Variants in HTR2C observed in about 807,000 individuals in gnomAD.
HTR2C encodes the protein 5-hydroxytryptamine (serotonin) receptor 2C, G protein-coupled.
A neutral mutation model predicts 21.0 loss-of-function variants in HTR2C; 5 were observed. The observed-to-expected ratio is 0.24, with a 90% confidence interval of 0.12 to 0.50. The LOEUF (loss-of-function observed/expected upper bound fraction) is 0.50, where lower values mean the gene tolerates loss of function less well. HTR2C is among the 20% of genes least tolerant of loss of function. The pLI is 0.98. For missense variants in HTR2C, 271 were observed against 371.2 expected (o/e 0.73, Z 2.22); for synonymous variants, 150 against 145.3 (o/e 1.03, Z -0.23).
intron 4 of HTR2C, among the ~76,000 whole-genome samples, chrX:114,843,706 G>A (rs782229406): frequency 1.8e-5 from 2 of 111,643 alleles, no homozygotes; most frequent in South Asian, 7.4e-4. Flanking sequence ...GAAAGGCAAA[G>A]AGAGAATCTT....
intron 2 of HTR2C, among the ~76,000 whole-genome samples, chrX:114,638,125 TCCAAACAAA>T (rs1556405613): frequency 1.8e-5 from 2 of 111,678 alleles, no homozygotes; most frequent in African/African-American, 6.5e-5. Context: ...CGCTGATTTT[TCCAAACAAA>T]CCTACTTAAA....
chrX:114,732,015 G>A (rs987233890), intron 4 of HTR2C, among the ~76,000 whole-genome samples: 4 of 111,413 alleles, frequency 3.6e-5, no homozygotes, highest in Non-Finnish European at 5.6e-5. Flanking sequence ...TATATTTTAA[G>A]AAATCCTTTT....
At chrX:114,657,936 A>G (rs1344058449) in intron 2 of HTR2C, among the ~76,000 whole-genome samples, 1 of 111,137 alleles carries the variant, frequency 9.0e-6, no homozygotes, top group Non-Finnish European at 1.9e-5. Flanking sequence ...GCAGTCAGTC[A>G]TGTCATGAAG....
chrX:114,876,075 A>G (rs1418933310), intron 5 of HTR2C, among the ~76,000 whole-genome samples: 5 of 110,315 alleles, frequency 4.5e-5, no homozygotes, highest in Non-Finnish European at 9.5e-5. Flanking sequence ...TGTGACTCCA[A>G]TGTCTTTTGT....
At chrX:114,715,829 C>T (rs1350994763) in intron 2 of HTR2C, among the ~76,000 whole-genome samples, 2 of 112,236 alleles carry the variant, frequency 1.8e-5, no homozygotes, top group African/African-American at 6.5e-5. Context: ...AATTATCCTA[C>T]ATCTTTGTTT....
chrX:114,727,310 T>G (rs2069492353), intron 3 of HTR2C, among the ~76,000 whole-genome samples: 1 of 111,904 alleles, frequency 8.9e-6, no homozygotes, highest in Admixed American at 9.5e-5. Flanking sequence ...TTGCATGAAC[T>G]GAACAGTTAA....
Position 114,584,271 on chromosome X carries a change from G to A in HTR2C, c.-535G>A, listed in dbSNP as rs782527283. On this transcript the variant is annotated 5_prime_UTR_variant, in exon 1 of 6. Coordinates refer to ENST00000276198, the MANE Select transcript of HTR2C (RefSeq NM_000868.4). ...ACATCGTTGTCGTCGGAGTCGTCGCGATCGTCGTGGCGCTCGTGTGATGGC... is the reference window on the plus strand; with the variant it reads ...ACATCGTTGTCGTCGGAGTCGTCGCAATCGTCGTGGCGCTCGTGTGATGGC... 3.5e-5 allele frequency: 4 copies of A among 112,993 alleles called. No individual in the cohort carries two copies. Among genetic ancestry groups the A allele is most frequent in the Non-Finnish European group, 5.6e-5 (3 of 53,365 alleles). 9.3% of individuals were successfully genotyped at this position (112,993 alleles called of 1,213,427 possible). A position where few individuals can be genotyped will look rare whatever the true frequency, so the allele number is the denominator to read the frequency against.
intron 2 of HTR2C, among the ~76,000 whole-genome samples, chrX:114,620,916 G>A (rs1325116052): frequency 9.0e-6 from 1 of 110,985 alleles, no homozygotes; most frequent in Non-Finnish European, 1.9e-5. Flanking sequence ...GTCTTGCTCT[G>A]TAGCCCAGGT....
chrX:114,648,562 C>A (rs1930443726), intron 2 of HTR2C, among the ~76,000 whole-genome samples: 1 of 110,897 alleles, frequency 9.0e-6, no homozygotes. Context: ...ACCCCATCTC[C>A]ACAAACAATA....
intron 4 of HTR2C, among the ~76,000 whole-genome samples, chrX:114,811,602 T>C (rs1175196286): frequency 8.9e-6 from 1 of 112,522 alleles, no homozygotes; most frequent in Non-Finnish European, 1.9e-5. Context: ...TCCCATTGCA[T>C]GCACTCGTTA....
chrX:114,754,252 T>C (rs782208767), intron 4 of HTR2C, among the ~76,000 whole-genome samples: 2 of 111,591 alleles, frequency 1.8e-5, no homozygotes, highest in African/African-American at 6.5e-5. Context: ...TTAATGCAAT[T>C]CCTACCAAAA....
intron 4 of HTR2C, among the ~76,000 whole-genome samples, chrX:114,816,440 GAAA>G (rs1242464118): frequency 9.5e-6 from 1 of 104,719 alleles, no homozygotes; most frequent in South Asian, 4.0e-4. Flanking sequence ...AAGTTTCCCA[GAAA>G]AAAAAAATAG....
chrX:114,751,524 A>C (rs1413362372), intron 4 of HTR2C, among the ~76,000 whole-genome samples: 1 of 111,660 alleles, frequency 9.0e-6, no homozygotes, highest in East Asian at 2.8e-4. Flanking sequence ...GAAAATTAAA[A>C]CTCAAATTGT....
chrX:114,627,288 C>CTT (rs1325659731), intron 2 of HTR2C, among the ~76,000 whole-genome samples: 2 of 110,691 alleles, frequency 1.8e-5, no homozygotes, highest in Non-Finnish European at 3.8e-5. Flanking sequence ...TGAATTTCAT[C>CTT]TTTTTCCCCT....
chrX:114,806,286 C>T (rs1279696796), intron 4 of HTR2C, among the ~76,000 whole-genome samples: 1 of 94,728 alleles, frequency 1.1e-5, no homozygotes, highest in Non-Finnish European at 2.1e-5. Flanking sequence ...ATATACACAC[C>T]ATATAGATAC....
chrX:114,627,498 C>T (rs1402187118), intron 2 of HTR2C, among the ~76,000 whole-genome samples: 2 of 110,561 alleles, frequency 1.8e-5, no homozygotes, highest in Admixed American at 9.7e-5. Flanking sequence ...CTTATTGGTG[C>T]GATAAGATTA....
intron 2 of HTR2C, among the ~76,000 whole-genome samples, chrX:114,695,258 A>G (rs1556415734): frequency 8.9e-6 from 1 of 112,450 alleles, no homozygotes; most frequent in Non-Finnish European, 1.9e-5. Flanking sequence ...CAATGATTGT[A>G]TGATATGGGA....
At chrX:114,653,968 C>G (rs1440892080) in intron 2 of HTR2C, among the ~76,000 whole-genome samples, 1 of 110,274 alleles carries the variant, frequency 9.1e-6, no homozygotes, top group Non-Finnish European at 1.9e-5. Flanking sequence ...CCTTGTCTGT[C>G]TCATACTCCT....
intron 2 of HTR2C, among the ~76,000 whole-genome samples, chrX:114,675,504 G>A (rs1025960917): frequency 1.8e-5 from 2 of 112,201 alleles, no homozygotes; most frequent in Admixed American, 1.9e-4. Context: ...GGGTAGAAAG[G>A]GACTTTGGAA....
Sources: gnomAD v4.1 joint callset for allele counts (sites outside exome capture counted in the v4.1 genomes callset) on GRCh38, gnomAD v4.1.1 for gene constraint, MANE v1.5 for transcripts, NCBI Gene and HGNC (gene_info 2026-07-23, HGNC 2026-07-21) for gene names.